The following GPR137B variants were observed in gnomAD, a reference collection of about 807,000 sequenced individuals.
The protein encoded by GPR137B is G protein-coupled receptor 137B, also known as integral membrane protein GPR137B.
GPR137B carries 42 observed loss-of-function variants against 42.5 expected under a neutral mutation model. That is an observed-to-expected ratio of 0.99 (90% CI 0.77 to 1.28). GPR137B has a LOEUF of 1.28. Among genes scored for constraint, GPR137B ranks in the 50% most tolerant of loss-of-function variants. GPR137B has a pLI of 0.00. For missense variants in GPR137B, 487 were observed against 493.9 expected (o/e 0.99, Z 0.13); for synonymous variants, 218 against 209.7 (o/e 1.04, Z -0.34).
chr1:236,190,148 C>CTTTT (rs34520510), intron 5 of GPR137B, among the ~76,000 whole-genome samples: 53 of 119,404 alleles, frequency 4.4e-4, no homozygotes, highest in African/African-American at 1.3e-3. Flanking sequence ...CCTGCTTCTT[C>CTTTT]TTTTTTTTTT....
chr1:236,172,349 A>G (rs4304570), intron 2 of GPR137B, among the ~76,000 whole-genome samples: 21,062 of 152,252 alleles, frequency 0.14, 1,825 homozygotes, highest in Admixed American at 0.24. Context: ...CACTTGAAAT[A>G]AAACATGAGC....
chr1:236,170,444 C>T (rs1179809109), intron 2 of GPR137B, among the ~76,000 whole-genome samples: 1 of 151,988 alleles, frequency 6.6e-6, no homozygotes, highest in African/African-American at 2.4e-5. Context: ...GATACAAGTC[C>T]CAAGACTCAC....
chr1:236,186,661 A>G (rs1202846490), intron 5 of GPR137B, among the ~76,000 whole-genome samples: 1 of 152,074 alleles, frequency 6.6e-6, no homozygotes, highest in African/African-American at 2.4e-5. Context: ...TGCAAAGGAC[A>G]TGAACTCATC....
At chr1:236,181,536 G>A (rs544869777) in intron 4 of GPR137B, among the ~76,000 whole-genome samples, 1 of 152,206 alleles carries the variant, frequency 6.6e-6, no homozygotes, top group East Asian at 1.9e-4. Flanking sequence ...GCTTTTCTTG[G>A]AAAAGTATTG....
intron 1 of GPR137B, 80 bp from the exon 2 acceptor site, chr1:236,168,626 G>A (rs1662434079): frequency 2.5e-5 from 26 of 1,056,394 alleles, no homozygotes; most frequent in Non-Finnish European, 4.5e-6. Context: ...TGAAGGGGCA[G>A]AGGAATTCCC....
chr1:236,207,624 A>G (rs1451610901), intron 6 of GPR137B, among the ~76,000 whole-genome samples: 1 of 152,228 alleles, frequency 6.6e-6, no homozygotes, highest in African/African-American at 2.4e-5. Context: ...CACTTTACAG[A>G]TGTTAACTCA....
At chr1:236,153,059 GAA>G (rs758448701) in intron 1 of GPR137B, among the ~76,000 whole-genome samples, 4 of 132,138 alleles carry the variant, frequency 3.0e-5, no homozygotes, top group African/African-American at 2.8e-5. Context: ...CCATCTCGGG[GAA>G]AAAAAAAAAA....
chr1:236,180,678 A>G (rs1662846939), intron 4 of GPR137B, among the ~76,000 whole-genome samples: 1 of 141,104 alleles, frequency 7.1e-6, no homozygotes. Flanking sequence ...CTTGTTGCCC[A>G]GGCTGGAGTG....
rs537207564 is a variant in GPR137B, at chr1:236,145,823, A to T, written c.414+2787A>T. On this transcript the variant is annotated intron_variant, in intron 1 of 6. Transcript: ENST00000366592. Reference sequence around the variant, plus strand: ...GTGCATGGTGGAGCTGGGATTCAACACACATCTGTGCTGTCTGAGTGTGAG... The same window carrying T: ...GTGCATGGTGGAGCTGGGATTCAACTCACATCTGTGCTGTCTGAGTGTGAG... Among the ~76,000 whole-genome samples, 34 of 152,324 alleles carry T rather than the reference A, an allele frequency of 2.2e-4. No individual in the cohort carries two copies. The South Asian group carries it at 3.7e-3, about 17-fold the overall frequency.
At chr1:236,192,218 T>G (rs1451326449) in intron 5 of GPR137B, among the ~76,000 whole-genome samples, 1 of 152,138 alleles carries the variant, frequency 6.6e-6, no homozygotes, top group East Asian at 1.9e-4. Flanking sequence ...GCTTCTGTGC[T>G]GGCAGCGAGG....
intron 1 of GPR137B, among the ~76,000 whole-genome samples, chr1:236,164,571 G>A (rs1027321384): frequency 6.6e-6 from 1 of 152,188 alleles, no homozygotes; most frequent in South Asian, 2.1e-4. Context: ...CTCAAGTTCC[G>A]GACACCCACC....
At chr1:236,176,931 A>G (rs1032069111) in intron 2 of GPR137B, among the ~76,000 whole-genome samples, 1 of 152,168 alleles carries the variant, frequency 6.6e-6, no homozygotes, top group Non-Finnish European at 1.5e-5. Flanking sequence ...AAGTTAAAAT[A>G]TGAGGGACCA....
intron 2 of GPR137B, among the ~76,000 whole-genome samples, chr1:236,176,079 G>A (rs988849174): frequency 1.3e-5 from 2 of 152,102 alleles, no homozygotes; most frequent in African/African-American, 4.8e-5. Flanking sequence ...TTTGAGGCTG[G>A]GGATGTGGGA....
chr1:236,149,372 GC>G (rs1473933318), intron 1 of GPR137B, among the ~76,000 whole-genome samples: 1 of 152,184 alleles, frequency 6.6e-6, no homozygotes, highest in Non-Finnish European at 1.5e-5. Context: ...GCGTGCAGAG[GC>G]AGGACAAGTC....
At chr1:236,183,089 G>A (rs1571993309) in intron 4 of GPR137B, among the ~76,000 whole-genome samples, 1 of 152,262 alleles carries the variant, frequency 6.6e-6, no homozygotes, top group Middle Eastern at 3.4e-3. Context: ...CCAACCATGT[G>A]CTTTCCTCAG....
At position 236,178,624 on chromosome 1, in the gene GPR137B, C is replaced by A; in HGVS notation, c.675C>A (p.Tyr225Ter). ...CTAAGATGTCCTTAGCCAACATTTA[C>A]TTGGAGTCCAAGGTAGGTGGAAATG... is the stretch of plus-strand genomic sequence containing the variant. The part of the protein sequence containing the change: ...KISKMSLANI[Y>*]LESKGSSVCQ... The change falls in exon 3 of 7, where the codon TAC (tyrosine) becomes TAA (stop). Residue 225 changes from tyrosine to a stop codon, truncating the protein, a stop_gained. Transcript: ENST00000366592. LOFTEE classifies it high-confidence loss of function. 6.2e-7 allele frequency: 1 copy of A among 1,600,550 alleles called. No individual in the cohort carries two copies. The highest frequency in any genetic ancestry group is 8.6e-7 in the Non-Finnish European group (1 of 1,169,274).
intron 3 of GPR137B, among the ~76,000 whole-genome samples, chr1:236,179,525 C>A (rs545783768): frequency 5.8e-4 from 88 of 152,248 alleles, no homozygotes; most frequent in Non-Finnish European, 1.1e-3. Context: ...TGGCCCCGGG[C>A]TCACCTGCTG....
intron 1 of GPR137B, among the ~76,000 whole-genome samples, chr1:236,144,726 T>A (rs780874689): frequency 1.8e-4 from 27 of 152,170 alleles, no homozygotes; most frequent in Non-Finnish European, 3.2e-4. Flanking sequence ...AATGAGGTGG[T>A]TCTAGCAAGA....
rs536944710 is a variant in GPR137B at position 236,156,341 on chromosome 1, A to G, written c.415-12365A>G. Among the ~76,000 whole-genome samples the G allele has an allele frequency of 6.2e-4, 95 of 152,318 alleles. No individual in the cohort carries two copies. The South Asian group carries it at 0.011, about 17-fold the overall frequency. On this transcript the variant is annotated intron_variant, in intron 1 of 6. Transcript: ENST00000366592. The surrounding 1 kb of genome is among the most constrained non-coding windows in gnomAD (Gnocchi z 4.8). ...ACCTGGCCAGCCTGGGACACAGACC[A>G]GGCACACCTTGGCTTCAGGCCACCG...
Sources: gnomAD v4.1 joint callset for allele counts (sites outside exome capture counted in the v4.1 genomes callset) on GRCh38, gnomAD v4.1.1 for gene constraint, Gnocchi (gnomAD v3.1) non-coding constraint, MANE v1.5 for transcripts, NCBI Gene and HGNC (gene_info 2026-07-23, HGNC 2026-07-21) for gene names.